Variants in TCF12 observed in about 807,000 individuals in gnomAD.
TCF12 encodes DNA-binding protein HTF4.
Under a neutral mutation model 86.0 loss-of-function variants are expected in TCF12, and 45 were observed. That is an observed-to-expected ratio of 0.52 (90% CI 0.41 to 0.67). The LOEUF (loss-of-function observed/expected upper bound fraction) is 0.67. Among genes scored for constraint, TCF12 ranks in the 30% least tolerant of loss-of-function variants. The pLI, the probability that TCF12 is intolerant of heterozygous loss-of-function variation, is 0.00. For missense variants in TCF12, 881 were observed against 859.9 expected (o/e 1.02, Z -0.31); for synonymous variants, 330 against 299.6 (o/e 1.10, Z -1.05).
chr15:56,967,783 C>T (rs1264960063), intron 3 of TCF12, among the ~76,000 whole-genome samples: 1 of 152,102 alleles, frequency 6.6e-6, no homozygotes, highest in South Asian at 2.1e-4. Flanking sequence ...CAGATGCTTT[C>T]TAGCCATTGG....
intron 5 of TCF12, among the ~76,000 whole-genome samples, chr15:57,147,568 A>G (rs927953289): frequency 4.6e-5 from 7 of 151,300 alleles, no homozygotes; most frequent in African/African-American, 1.2e-4. Context: ...TGTTCTAGGG[A>G]AAAAAAACAG....
intron 4 of TCF12, chr15:57,072,642 C>T (rs1483158395): frequency 7.7e-7 from 1 of 1,296,920 alleles, no homozygotes; most frequent in East Asian, 4.5e-5. Flanking sequence ...TTTTATGCCT[C>T]TTGATCTCAG....
intron 3 of TCF12, among the ~76,000 whole-genome samples, chr15:56,941,056 A>G (rs1478874745): frequency 1.4e-5 from 2 of 147,728 alleles, no homozygotes; most frequent in Non-Finnish European, 3.0e-5. Context: ...CCACCGTGCC[A>G]GGCCTTTAAA....
intron 3 of TCF12, among the ~76,000 whole-genome samples, chr15:57,028,860 G>T (rs1045679546): frequency 6.6e-6 from 1 of 151,772 alleles, no homozygotes; most frequent in African/African-American, 2.4e-5. Flanking sequence ...GTGCAGTAAT[G>T]CGATCTTGGC....
chr15:57,264,687 A>G (rs1168549598), intron 18 of TCF12, among the ~76,000 whole-genome samples: 2 of 152,158 alleles, frequency 1.3e-5, no homozygotes, highest in Non-Finnish European at 2.9e-5. Context: ...CACAGGCAGT[A>G]ACATGCAGGA....
intron 5 of TCF12, among the ~76,000 whole-genome samples, chr15:57,145,955 A>G (rs1167597002): frequency 6.6e-6 from 1 of 152,334 alleles, no homozygotes; most frequent in East Asian, 1.9e-4. Flanking sequence ...CTGGTATGGT[A>G]CCCGAGATTC....
At chr15:57,183,603 T>C (rs1159763473) in intron 6 of TCF12, among the ~76,000 whole-genome samples, 1 of 152,170 alleles carries the variant, frequency 6.6e-6, no homozygotes, top group Admixed American at 6.5e-5. Flanking sequence ...AAAAGGTTTA[T>C]GCCCAGGAAA....
chr15:57,272,644 G>C lies in TCF12; in HGVS notation c.1746-386G>C, dbSNP rs1466080108. 4.6e-5 allele frequency among the ~76,000 whole-genome samples: 7 copies of C among 152,312 alleles called. No homozygotes were observed. In the East Asian group the frequency reaches 7.7e-4, roughly 17 times the overall value. On this transcript the variant is annotated intron_variant, in intron 18 of 20. Transcript: ENST00000333725. ...AGTAAGATGGGAGCAGAACCTGAGAGATTCTACTCCAGTGTTTTTAACAAG... is the reference window on the plus strand; with the variant it reads ...AGTAAGATGGGAGCAGAACCTGAGACATTCTACTCCAGTGTTTTTAACAAG...
chr15:57,140,739 A>G (rs528337960), intron 5 of TCF12, among the ~76,000 whole-genome samples: 4 of 152,198 alleles, frequency 2.6e-5, no homozygotes, highest in Non-Finnish European at 5.9e-5. Flanking sequence ...TTTATTTTAT[A>G]TTTGAGGAAA....
intron 6 of TCF12, among the ~76,000 whole-genome samples, chr15:57,170,725 TATA>T (rs2055362112): frequency 2.3e-3 from 4 of 1,758 alleles, no homozygotes; most frequent in Non-Finnish European, 3.5e-3. Flanking sequence ...ATATATATTA[TATA>T]TTATATATAA....
At chr15:57,006,742 C>T (rs1596076977) in intron 3 of TCF12, among the ~76,000 whole-genome samples, 1 of 134,702 alleles carries the variant, frequency 7.4e-6, no homozygotes, top group African/African-American at 2.5e-5. Flanking sequence ...CACAGCGAAA[C>T]CCCATCTCTA....
At position 56,968,974 on chromosome 15, in the gene TCF12, G is replaced by A. The variant is rs541803482; in HGVS notation, c.148+47876G>A. Among the ~76,000 whole-genome samples, 11 of 152,292 alleles carry A rather than the reference G, an allele frequency of 7.2e-5. No homozygotes were observed. In the South Asian group the frequency reaches 2.1e-3, roughly 29 times the overall value. On this transcript the variant is annotated intron_variant, in intron 3 of 20. Coordinates refer to ENST00000333725, the MANE Select transcript of TCF12 (RefSeq NM_207037.2). ...TTGAGTCCTTGGTTAGCCTTCCACTGAATAGACACTTTAGTCTGGCTCAGT... is the reference window on the plus strand; with the variant it reads ...TTGAGTCCTTGGTTAGCCTTCCACTAAATAGACACTTTAGTCTGGCTCAGT...
At chr15:57,243,278 A>G (rs577287615) in intron 12 of TCF12, among the ~76,000 whole-genome samples, 194 bp from the exon 13 acceptor site, 2 of 152,280 alleles carry the variant, frequency 1.3e-5, no homozygotes, top group African/African-American at 2.4e-5. Flanking sequence ...GTATTAGACT[A>G]TATATACTTT....
At chr15:57,236,132 G>A (rs961004154) in intron 12 of TCF12, among the ~76,000 whole-genome samples, 12 of 152,042 alleles carry the variant, frequency 7.9e-5, no homozygotes, top group African/African-American at 2.2e-4. Flanking sequence ...CATAGCTGAC[G>A]GTGATGCATT....
At chr15:57,156,746 C>T (rs576176757) in intron 5 of TCF12, among the ~76,000 whole-genome samples, 11 of 152,172 alleles carry the variant, frequency 7.2e-5, no homozygotes, top group African/African-American at 2.4e-4. Flanking sequence ...TCCCTGGGTG[C>T]CATAAAAAAC....
chr15:57,053,905 T>C (rs2067807647), intron 3 of TCF12, among the ~76,000 whole-genome samples: 1 of 152,220 alleles, frequency 6.6e-6, no homozygotes, highest in African/African-American at 2.4e-5. Context: ...AAACAAATGT[T>C]TGCTGAGAGC....
At chr15:57,212,965 GGGAGAA>G (rs2058176112) in intron 8 of TCF12, among the ~76,000 whole-genome samples, 1 of 152,180 alleles carries the variant, frequency 6.6e-6, no homozygotes, top group African/African-American at 2.4e-5. Context: ...ATGAATGATA[GGGAGAA>G]TACTTCTGCC....
intron 3 of TCF12, among the ~76,000 whole-genome samples, chr15:57,006,167 A>G (rs1443068569): frequency 6.6e-6 from 1 of 152,204 alleles, no homozygotes; most frequent in Non-Finnish European, 1.5e-5. Flanking sequence ...GTATATTATC[A>G]CCACAAAAAT....
chr15:57,223,643 G>GTTTTTTTTTTTTTTTTTTTTTTTTTTTT (rs550493641), intron 8 of TCF12, among the ~76,000 whole-genome samples: 5 of 69,690 alleles, frequency 7.2e-5, no homozygotes, highest in Admixed American at 1.9e-4. Context: ...TACCAATGAG[G>GTTTTTTTTTTTTTTTTTTTTTTTTTTTT]TTTTTTTTTT....
Sources: allele counts gnomAD v4.1 joint callset (sites outside exome capture counted in the v4.1 genomes callset), GRCh38; gene constraint gnomAD v4.1.1; transcripts MANE v1.5; gene names NCBI Gene and HGNC (gene_info 2026-07-23, HGNC 2026-07-21).